Variants in PHACTR1 observed in about 807,000 individuals in gnomAD.
PHACTR1 encodes RPEL repeat containing 1.
Under a neutral mutation model 69.2 loss-of-function variants are expected in PHACTR1, and 16 were observed. The ratio of observed to expected loss-of-function variants is 0.23; its 90% CI spans 0.16 to 0.35. PHACTR1 has a LOEUF of 0.35. Among genes scored for constraint, PHACTR1 ranks in the 10% least tolerant of loss-of-function variants. The pLI is 1.00. For synonymous variants in PHACTR1, 312 were observed against 284.5 expected (o/e 1.10, Z -0.97); for missense variants, 510 against 734.7 (o/e 0.69, Z 3.54).
chr6:12,960,486 G>T (rs1174034073), intron 4 of PHACTR1, among the ~76,000 whole-genome samples: 1 of 152,184 alleles, frequency 6.6e-6, no homozygotes, highest in African/African-American at 2.4e-5. Flanking sequence ...GGACAGAAGG[G>T]TCAATTGAAC....
chr6:13,213,469 C>G (rs1404847625), intron 8 of PHACTR1, among the ~76,000 whole-genome samples: 3 of 152,178 alleles, frequency 2.0e-5, no homozygotes, highest in Non-Finnish European at 4.4e-5. Flanking sequence ...TGCATACTTG[C>G]AACAGGTTAT....
chr6:12,871,322 G>C (rs76033639), intron 4 of PHACTR1, among the ~76,000 whole-genome samples: 3,784 of 152,094 alleles, frequency 0.025, 157 homozygotes, highest in African/African-American at 0.086. Context: ...GCCTCAAAAC[G>C]CTTCCCTGTG....
At chr6:13,036,405 A>G (rs983598653) in intron 4 of PHACTR1, among the ~76,000 whole-genome samples, 2 of 152,244 alleles carry the variant, frequency 1.3e-5, no homozygotes, top group Admixed American at 6.5e-5. Flanking sequence ...ATAGACACGC[A>G]TTAAATGGTT....
intron 3 of PHACTR1, among the ~76,000 whole-genome samples, chr6:12,739,944 C>T (rs1029227404): frequency 6.6e-6 from 1 of 152,180 alleles, no homozygotes; most frequent in African/African-American, 2.4e-5. Flanking sequence ...AAAAGTACAA[C>T]CACGACCCAA....
chr6:12,810,638 G>A (rs571940017), intron 4 of PHACTR1, among the ~76,000 whole-genome samples: 2 of 152,218 alleles, frequency 1.3e-5, no homozygotes, highest in Admixed American at 6.5e-5. Flanking sequence ...CTCATGTTCC[G>A]GCATCCTCCC....
chr6:12,847,604 A>C (rs191260467), intron 4 of PHACTR1, among the ~76,000 whole-genome samples: 5 of 152,234 alleles, frequency 3.3e-5, no homozygotes, highest in Non-Finnish European at 1.5e-5. Context: ...CAGAAAAACT[A>C]TGAAAACAAT....
At chr6:13,129,853 A>G (rs148187881) in intron 5 of PHACTR1, among the ~76,000 whole-genome samples, 48 of 152,170 alleles carry the variant, frequency 3.2e-4, no homozygotes, top group African/African-American at 1.2e-3. Context: ...TGTAGAATAT[A>G]CATTTTTTTT....
chr6:12,749,809 C>A lies in PHACTR1; in HGVS notation c.250+19C>A. The A allele has an allele frequency of 6.4e-7, 1 of 1,563,178 alleles. No homozygotes were observed. Among genetic ancestry groups the A allele is most frequent in the African/African-American group, 1.3e-5 (1 of 74,210 alleles). On this transcript the variant is annotated intron_variant, in intron 4 of 14. Transcript: ENST00000332995. ...GGGGCAGGTAAGAACGCCCCTGGCGCCGCGCCCCCGCCCCCGCCCTGCTCC... is the reference window on the plus strand; with the variant it reads ...GGGGCAGGTAAGAACGCCCCTGGCGACGCGCCCCCGCCCCCGCCCTGCTCC...
chr6:13,009,817 C>A (rs372456091), intron 4 of PHACTR1, among the ~76,000 whole-genome samples: 1 of 152,066 alleles, frequency 6.6e-6, no homozygotes, highest in African/African-American at 2.4e-5. Context: ...GACCTCCCCA[C>A]CCCATGAACT....
intron 4 of PHACTR1, among the ~76,000 whole-genome samples, chr6:12,931,104 G>A (rs918483582): frequency 2.0e-5 from 3 of 151,914 alleles, no homozygotes; most frequent in Non-Finnish European, 2.9e-5. Flanking sequence ...ATAACAAAGA[G>A]GCTTTAAAAT....
At position 13,129,976 on chromosome 6, in the gene PHACTR1, A is replaced by G. The variant is rs575539475; in HGVS notation, c.416-30228A>G. ...TATCCTCTCAAACCACAATGGAATAAAGCTGGAAATTAACTCCAAATGGAG... is the reference window on the plus strand; with the variant it reads ...TATCCTCTCAAACCACAATGGAATAGAGCTGGAAATTAACTCCAAATGGAG... On this transcript the variant is annotated intron_variant, in intron 5 of 14. Transcript: ENST00000332995. Among the ~76,000 whole-genome samples, 3 of 152,276 alleles carry G rather than the reference A, an allele frequency of 2.0e-5. No homozygotes were observed. In the South Asian group the frequency reaches 6.2e-4, roughly 32 times the overall value.
chr6:13,069,688 A>C (rs1809219301), intron 5 of PHACTR1, among the ~76,000 whole-genome samples: 1 of 152,148 alleles, frequency 6.6e-6, no homozygotes, highest in Admixed American at 6.6e-5. Context: ...CCCAGGTAGA[A>C]TGTGCTTCAA....
At position 13,203,523 on chromosome 6, in the gene PHACTR1, T is replaced by G. The variant is rs573405709; in HGVS notation, c.665-2292T>G. On this transcript the variant is annotated intron_variant, in intron 7 of 14. Coordinates refer to ENST00000332995, the MANE Select transcript of PHACTR1 (RefSeq NM_030948.6). ...ATCATGACTGTCGTCATTCCTGCTA[T>G]CATCATTAACACGATTAACACGGAC... 2.6e-5 allele frequency among the ~76,000 whole-genome samples: 4 copies of G among 152,330 alleles called. No homozygotes were observed. In the East Asian group the frequency reaches 7.7e-4, roughly 29 times the overall value.
At chr6:13,026,349 G>T (rs761859154) in intron 4 of PHACTR1, among the ~76,000 whole-genome samples, 34 of 152,154 alleles carry the variant, frequency 2.2e-4, no homozygotes, top group Non-Finnish European at 3.4e-4. Context: ...ACTGGGCTCG[G>T]ACAGGTCATT....
rs990874504 is a variant in PHACTR1 at position 12,741,155 on chromosome 6, C to A, written c.104-8489C>A. Reference sequence around the variant, plus strand: ...TTAGTGCAATAAATGTCCCAACCAGCACTGTTCATCTCACATACTTTAATA... The same window carrying A: ...TTAGTGCAATAAATGTCCCAACCAGAACTGTTCATCTCACATACTTTAATA... On this transcript the variant is annotated intron_variant, in intron 3 of 14. Coordinates refer to ENST00000332995, the MANE Select transcript of PHACTR1 (RefSeq NM_030948.6). Among the ~76,000 whole-genome samples the A allele has an allele frequency of 5.3e-5, 8 of 152,092 alleles. No homozygotes were observed. In the East Asian group the frequency reaches 1.5e-3, roughly 29 times the overall value.
chr6:13,233,491 C>G (rs1257401560), intron 10 of PHACTR1, among the ~76,000 whole-genome samples: 1 of 152,148 alleles, frequency 6.6e-6, no homozygotes, highest in Non-Finnish European at 1.5e-5. Flanking sequence ...CACAGTTTCC[C>G]ATGGCTGGAG....
chr6:13,205,043 A>T (rs1282869639), intron 7 of PHACTR1, among the ~76,000 whole-genome samples: 5 of 152,208 alleles, frequency 3.3e-5, no homozygotes, highest in Admixed American at 2.0e-4. Flanking sequence ...GTAATTTGTG[A>T]AGAAAAGAGA....
chr6:12,825,972 AG>A (rs1776761435), intron 4 of PHACTR1, among the ~76,000 whole-genome samples: 1 of 152,234 alleles, frequency 6.6e-6, no homozygotes, highest in South Asian at 2.1e-4. Flanking sequence ...TGTTTTTCCT[AG>A]ATTACAGTTT....
chr6:12,740,977 C>T (rs1352074013), intron 3 of PHACTR1, among the ~76,000 whole-genome samples: 1 of 151,156 alleles, frequency 6.6e-6, no homozygotes, highest in African/African-American at 2.4e-5. Flanking sequence ...ATTTATTTTT[C>T]AACTCCTAAA....
Sources: allele counts gnomAD v4.1 joint callset (sites outside exome capture counted in the v4.1 genomes callset), GRCh38; gene constraint gnomAD v4.1.1; transcripts MANE v1.5; gene names NCBI Gene and HGNC (gene_info 2026-07-23, HGNC 2026-07-21).